Variants in UTRN observed in about 807,000 individuals in gnomAD.
UTRN encodes dystrophin-related protein 1.
In UTRN, 283 loss-of-function variants were observed where a neutral mutation model predicts 463.9. The ratio of observed to expected loss-of-function variants is 0.61; its 90% confidence interval spans 0.55 to 0.67. The LOEUF (loss-of-function observed/expected upper bound fraction) is 0.67. Among genes scored for constraint, UTRN ranks in the 30% least tolerant of loss-of-function variants. The probability of loss-of-function intolerance (pLI) is 0.00; values close to 1 mark genes in which losing one functional copy is unlikely to be tolerated. For missense variants in UTRN, 3,922 were observed against 4,084.3 expected (o/e 0.96, Z 1.08); for synonymous variants, 1,442 against 1,431.5 (o/e 1.01, Z -0.17).
In UTRN at chr6:144,516,240, T is replaced by C. The variant is rs1795599129; in HGVS notation, c.5256T>C (p.Ala1752=). ...TTTTCCTTCTACAGTTGCTAATTGC[T>C]CAGGAACCATTATACCAATGTTTGG... is the stretch of plus-strand genomic sequence containing the variant. ...QHIKSAKLLI[A]QEPLYQCLVT... Residue 1752 remains alanine, a synonymous_variant, in exon 38 of 75, where the codon GCT becomes GCC. Transcript: ENST00000367545. The C allele has an allele frequency of 6.2e-7, 1 of 1,612,514 alleles. No homozygotes were observed. The highest frequency in any genetic ancestry group is 8.5e-7 in the Non-Finnish European group (1 of 1,179,746).
intron 53 of UTRN, 142 bp from the exon 54 acceptor site, chr6:144,730,215 A>G: frequency 2.2e-6 from 2 of 918,402 alleles, no homozygotes; most frequent in East Asian, 3.1e-5. Flanking sequence ...TAAAATTTAC[A>G]TTTTGGCTTC....
At chr6:144,537,498 G>A (rs1797641396) in intron 43 of UTRN, 84 bp from the exon 44 acceptor site, 1 of 930,582 alleles carries the variant, frequency 1.1e-6, no homozygotes, top group Non-Finnish European at 1.4e-6. Context: ...GAAATATTTA[G>A]TCAGGATATT....
At chr6:144,633,364 G>C (rs1015962450) in intron 51 of UTRN, among the ~76,000 whole-genome samples, 1 of 151,824 alleles carries the variant, frequency 6.6e-6, no homozygotes, top group African/African-American at 2.4e-5. Context: ...TGAGTAGCTG[G>C]GACTACAGGC....
At position 144,514,870 on chromosome 6, in the gene UTRN, C is replaced by G. The variant is rs1381204891; in HGVS notation, c.5244+50C>G. The G allele has an allele frequency of 8.4e-6, 13 of 1,554,920 alleles. No individual in the cohort carries two copies. The East Asian group carries it at 2.7e-4, about 32-fold the overall frequency. ...AACCATTTTTCCTATGGGTATGTAT[C>G]TAAATGATAGTCATACAGTACATAC... On this transcript the variant is annotated intron_variant, in intron 37 of 74. Transcript: ENST00000367545.
intron 2 of UTRN, among the ~76,000 whole-genome samples, chr6:144,372,346 A>G (rs527707306): frequency 2.6e-5 from 4 of 152,340 alleles, no homozygotes; most frequent in Admixed American, 1.3e-4. Context: ...TGGGATAGTA[A>G]TAGCCACAAT....
Position 144,537,659 on chromosome 6 carries a change from A to T in UTRN, c.6311A>T (p.Glu2104Val). The T allele has an allele frequency of 6.2e-7, 1 of 1,612,742 alleles. No homozygotes were observed. Among genetic ancestry groups the T allele is most frequent in the Admixed American group, 1.7e-5 (1 of 59,804 alleles). Residue 2104 changes from glutamate (E) to valine (V), a missense_variant, in exon 44 of 75, where the codon GAG becomes GTG. Around this residue, in one of 3 missense-constraint regions of UTRN, gnomAD observed 2,349 missense variants for 2,303.8 expected, o/e 1.02. Transcript: ENST00000367545. ...DEIICWLTKA[E>V]HAMQKRSTTE... The stretch of plus-strand genomic sequence containing the variant: ...ATTATCTGTTGGTTAACAAAGGCTG[A>T]GCATGCTATGCAAAAGAGATCAACC...
intron 2 of UTRN, among the ~76,000 whole-genome samples, chr6:144,339,782 C>A (rs531483868): frequency 6.6e-6 from 1 of 152,168 alleles, no homozygotes; most frequent in East Asian, 1.9e-4. Flanking sequence ...CCAATTTTTT[C>A]TTTTTAAAAA....
In UTRN at chr6:144,748,291, G is replaced by A. The variant is rs753648615; in HGVS notation, c.7985G>A (p.Arg2662His). Residue 2662 changes from arginine to histidine, a missense_variant, in exon 55 of 75, where the codon CGC (arginine) becomes CAC (histidine). By Grantham distance (29) the Arg-to-His change is conservative. Coordinates refer to ENST00000367545, the MANE Select transcript of UTRN (RefSeq NM_007124.3). ...GCCCAAAAGATTGCCAAAGCCATGCGCAAACAGTCTTCTGAAGTCAAAGAA... is the reference window on the plus strand; with the variant it reads ...GCCCAAAAGATTGCCAAAGCCATGCACAAACAGTCTTCTGAAGTCAAAGAA... ...ERAQKIAKAMRKQSSEVKEKW... is the reference protein window; with the variant it reads ...ERAQKIAKAMHKQSSEVKEKW... 2.5e-5 allele frequency: 41 copies of A among 1,612,590 alleles called. 1 individual carries two copies. Among genetic ancestry groups the A allele is most frequent in the Admixed American group, 2.5e-4 (15 of 59,962 alleles).
At chr6:144,479,342 C>T (rs535548846) in intron 25 of UTRN, among the ~76,000 whole-genome samples, 1 of 152,274 alleles carries the variant, frequency 6.6e-6, no homozygotes, top group South Asian at 2.1e-4. Context: ...TGATCTCAAA[C>T]TCCTGACCTC....
chr6:144,581,350 G>A (rs1050342870), intron 51 of UTRN, among the ~76,000 whole-genome samples: 4 of 151,870 alleles, frequency 2.6e-5, no homozygotes, highest in South Asian at 2.1e-4. Context: ...TTTACATTTG[G>A]CATTACCAAT....
At chr6:144,350,551 G>A (rs1462016172) in intron 2 of UTRN, among the ~76,000 whole-genome samples, 3 of 152,118 alleles carry the variant, frequency 2.0e-5, no homozygotes, top group Non-Finnish European at 2.9e-5. Context: ...CTGTTAAATC[G>A]TCATCTACAA....
intron 51 of UTRN, among the ~76,000 whole-genome samples, chr6:144,589,325 T>C (rs1802775751): frequency 6.6e-6 from 1 of 152,218 alleles, no homozygotes; most frequent in Admixed American, 6.5e-5. Context: ...GAGTTTACAA[T>C]GTGTTTTCTC....
chr6:144,766,310 A>T (rs927716119), intron 58 of UTRN, among the ~76,000 whole-genome samples: 3 of 151,894 alleles, frequency 2.0e-5, no homozygotes, highest in African/African-American at 4.8e-5. Context: ...AAATGTTGTC[A>T]TATCAGATTG....
intron 3 of UTRN, among the ~76,000 whole-genome samples, chr6:144,417,411 C>A (rs754683287): frequency 4.6e-5 from 7 of 152,182 alleles, no homozygotes; most frequent in Non-Finnish European, 1.0e-4. Flanking sequence ...ACATCAGTTT[C>A]TTCGCCTGTA....
At chr6:144,343,597 G>A (rs563900902) in intron 2 of UTRN, among the ~76,000 whole-genome samples, 14 of 152,170 alleles carry the variant, frequency 9.2e-5, no homozygotes, top group African/African-American at 3.4e-4. Flanking sequence ...AAAGAGAATA[G>A]GCTGGAAAAA....
At chr6:144,626,986 G>A (rs1483997342) in intron 51 of UTRN, among the ~76,000 whole-genome samples, 2 of 152,140 alleles carry the variant, frequency 1.3e-5, no homozygotes, top group African/African-American at 4.8e-5. Context: ...TATATCTTAT[G>A]TCTTTGTAGA....
chr6:144,842,217 T>C (rs1417558253), intron 73 of UTRN, among the ~76,000 whole-genome samples: 1 of 151,982 alleles, frequency 6.6e-6, no homozygotes, highest in African/African-American at 2.4e-5. Flanking sequence ...TAAAGATTAT[T>C]ATTTACTGTA....
chr6:144,581,401 G>A (rs926019226), intron 51 of UTRN, among the ~76,000 whole-genome samples: 5 of 152,132 alleles, frequency 3.3e-5, no homozygotes, highest in Non-Finnish European at 7.4e-5. Flanking sequence ...AAAATCCTGA[G>A]TTCTGCTGCC....
intron 62 of UTRN, among the ~76,000 whole-genome samples, chr6:144,791,024 T>A (rs988818753): frequency 6.6e-6 from 1 of 152,222 alleles, no homozygotes; most frequent in East Asian, 1.9e-4. Context: ...ATTTTAGAAC[T>A]AATTAAATAT....
Sources: allele counts gnomAD v4.1 joint callset (sites outside exome capture counted in the v4.1 genomes callset), GRCh38; gene constraint gnomAD v4.1.1; regional missense constraint gnomAD v4.1.1; transcripts MANE v1.5; gene names NCBI Gene and HGNC (gene_info 2026-07-23, HGNC 2026-07-21).